The following RAB7B variants were observed in gnomAD, a reference collection of about 807,000 sequenced individuals.
The protein encoded by RAB7B is ras-related protein Rab-7b.
rs1390822271 is a variant in RAB7B at position 205,987,904 on chromosome 1, T to A, written c.397-2239A>T. Among the ~76,000 whole-genome samples the A allele has an allele frequency of 7.9e-5, 12 of 152,168 alleles. 1 individual carries two copies. The highest frequency in any genetic ancestry group is 2.4e-4 in the African/African-American group (10 of 41,520). ...TTAAATTAAACACTTTTTAAAAAAATTTTTGTTTTGTTTTGTTTTTGGAGA... is the reference window on the plus strand; with the variant it reads ...TTAAATTAAACACTTTTTAAAAAAAATTTTGTTTTGTTTTGTTTTTGGAGA... On this transcript the variant is annotated intron_variant, in intron 4 of 5. Coordinates refer to ENST00000617070, the MANE Select transcript of RAB7B (RefSeq NM_001164522.3).
At chr1:205,990,381 T>C (rs954017303) in intron 4 of RAB7B, among the ~76,000 whole-genome samples, 1 of 152,168 alleles carries the variant, frequency 6.6e-6, no homozygotes, top group Non-Finnish European at 1.5e-5. Context: ...TTGGTGGACA[T>C]GGTGGACTGG....
At chr1:205,982,809 AG>A (rs1660519977) in intron 5 of RAB7B, among the ~76,000 whole-genome samples, 2 of 152,236 alleles carry the variant, frequency 1.3e-5, no homozygotes, top group South Asian at 4.1e-4. Context: ...CTCCCTGGGA[AG>A]GAAGGCAAGT....
intron 4 of RAB7B, among the ~76,000 whole-genome samples, chr1:205,988,788 C>T (rs2102637353): frequency 6.6e-6 from 1 of 152,268 alleles, no homozygotes; most frequent in East Asian, 1.9e-4. Context: ...TCCACATCTG[C>T]GGGACGGGCT....
chr1:205,991,784 G>C (rs1660725977), intron 4 of RAB7B, among the ~76,000 whole-genome samples: 1 of 152,174 alleles, frequency 6.6e-6, no homozygotes, highest in Non-Finnish European at 1.5e-5. Context: ...TTTGGCCCAA[G>C]AGCATCTTTT....
At chr1:205,997,262 C>T (rs1022780568) in intron 1 of RAB7B, among the ~76,000 whole-genome samples, 6,567 of 152,218 alleles carry the variant, frequency 0.043, 443 homozygotes, top group African/African-American at 0.15. Context: ...AGGAACCCAC[C>T]ACACGGAGTC....
intron 1 of RAB7B, among the ~76,000 whole-genome samples, chr1:206,001,477 C>T (rs1386336478): frequency 6.6e-6 from 1 of 152,060 alleles, no homozygotes; most frequent in Non-Finnish European, 1.5e-5. Context: ...TCCATTTTAT[C>T]CTTTATCTGT....
intron 1 of RAB7B, among the ~76,000 whole-genome samples, chr1:205,999,582 C>T (rs1660858465): frequency 6.6e-6 from 1 of 152,136 alleles, no homozygotes; most frequent in African/African-American, 2.4e-5. Context: ...ACGTAATATG[C>T]ACACAGCCTA....
chr1:206,000,765 G>A (rs1204231538), intron 1 of RAB7B, among the ~76,000 whole-genome samples: 3 of 152,228 alleles, frequency 2.0e-5, no homozygotes, highest in African/African-American at 7.2e-5. Context: ...CCAGCGTGGA[G>A]CCTGCTCCAG....
At position 205,978,611 on chromosome 1, in the gene RAB7B, T is replaced by A. The variant is rs1171996582; in HGVS notation, c.*240A>T. 7.0e-5 allele frequency: 25 copies of A among 357,922 alleles called. No homozygotes were observed. The East Asian group carries it at 1.0e-3, about 15-fold the overall frequency. The allele number at this position is 357,922 out of a possible 1,614,324, so 22.2% of individuals were successfully genotyped here. On this transcript the variant is annotated 3_prime_UTR_variant, in exon 6 of 6. Coordinates refer to ENST00000617070, the MANE Select transcript of RAB7B (RefSeq NM_001164522.3). Reference sequence around the variant, plus strand: ...CGGTGACTTCTGCAGGACCAGGGTTTGGCTCTGACATTCCGGGCTTCATCC... The same window carrying A: ...CGGTGACTTCTGCAGGACCAGGGTTAGGCTCTGACATTCCGGGCTTCATCC...
In RAB7B at chr1:205,979,238, T is replaced by G. The variant is rs1054788427; in HGVS notation, c.523-310A>C. ...GGGACAGCTGAGGTGTCATTTGGGC[T>G]TAGGCAGAGAGGTGACGGCCACTCC... On this transcript the variant is annotated intron_variant, in intron 5 of 5. Transcript: ENST00000617070. Among the ~76,000 whole-genome samples the G allele has an allele frequency of 4.1e-4, 63 of 152,294 alleles. 1 individual carries two copies. The East Asian group carries it at 0.011, about 27-fold the overall frequency.
At chr1:206,003,163 C>CT (rs1290259685) in intron 1 of RAB7B, 90 bp downstream of exon 1, 1 of 152,354 alleles carries the variant, frequency 6.6e-6, no homozygotes, top group Non-Finnish European at 1.5e-5. Context: ...CTTGCATTCC[C>CT]TGCCTCCACT....
intron 5 of RAB7B, among the ~76,000 whole-genome samples, chr1:205,981,252 C>T (rs1412131470): frequency 1.3e-5 from 2 of 152,196 alleles, no homozygotes; most frequent in Admixed American, 1.3e-4. Flanking sequence ...TCTTCCAAAG[C>T]TGGTGGATAT....
intron 4 of RAB7B, among the ~76,000 whole-genome samples, chr1:205,990,765 G>A (rs1239908041): frequency 1.3e-5 from 2 of 149,922 alleles, no homozygotes; most frequent in African/African-American, 4.9e-5. Flanking sequence ...AGGCCAGAGA[G>A]TGCAAGACTG....
intron 4 of RAB7B, among the ~76,000 whole-genome samples, chr1:205,991,862 C>T (rs1460608020): frequency 6.6e-6 from 1 of 152,208 alleles, no homozygotes; most frequent in African/African-American, 2.4e-5. Context: ...CTTCTCAATG[C>T]CGTGTAATGG....
intron 2 of RAB7B, 133 bp from the exon 3 acceptor site, chr1:205,993,679 G>A (rs1660763010): frequency 2.5e-6 from 1 of 396,194 alleles, no homozygotes; most frequent in Admixed American, 4.4e-5. Context: ...TCAAATTTCT[G>A]TGGTCCATGG....
chr1:205,998,987 A>T lies in RAB7B; in HGVS notation c.-17+4266T>A, dbSNP rs943031266. Among the ~76,000 whole-genome samples the T allele has an allele frequency of 7.1e-3, 1,076 of 152,330 alleles. 12 individuals are homozygous for T. The highest frequency in any genetic ancestry group is 0.025 in the African/African-American group (1,031 of 41,572). ...TTAAGCAGTTCAGCCTTAAAGACAG[A>T]AAGCCCGCACGTGTTAGAGCAGGGT... On this transcript the variant is annotated intron_variant, in intron 1 of 5. Coordinates refer to ENST00000617070, the MANE Select transcript of RAB7B (RefSeq NM_001164522.3).
At chr1:205,980,810 C>CCCCTCCCCCT (rs1181083008) in intron 5 of RAB7B, among the ~76,000 whole-genome samples, 1 of 129,322 alleles carries the variant, frequency 7.7e-6, no homozygotes, top group Non-Finnish European at 1.7e-5. Context: ...ATTTTTCCTT[C>CCCCTCCCCCT]CCCTCCCCCT....
At chr1:205,985,128 G>A (rs1660567145) in intron 5 of RAB7B, among the ~76,000 whole-genome samples, 1 of 152,152 alleles carries the variant, frequency 6.6e-6, no homozygotes, top group Non-Finnish European at 1.5e-5. Flanking sequence ...CTTTTTGATT[G>A]GGAGATGTCA....
At chr1:205,981,135 C>A (rs1660483955) in intron 5 of RAB7B, among the ~76,000 whole-genome samples, 1 of 152,038 alleles carries the variant, frequency 6.6e-6, no homozygotes, top group Non-Finnish European at 1.5e-5. Flanking sequence ...CTCAAACAAT[C>A]CATCTGCCTT....
Sources: allele counts gnomAD v4.1 joint callset (sites outside exome capture counted in the v4.1 genomes callset), GRCh38; gene constraint gnomAD v4.1.1; transcripts MANE v1.5; gene names NCBI Gene and HGNC (gene_info 2026-07-23, HGNC 2026-07-21).